Variants in CSMD1 observed in about 807,000 individuals in gnomAD.
CSMD1 encodes the protein CUB and Sushi multiple domains 1.
In CSMD1, 213 loss-of-function variants were observed where a neutral mutation model predicts 417.5. That is an observed-to-expected ratio of 0.51 (90% CI 0.46 to 0.57). The LOEUF (loss-of-function observed/expected upper bound fraction) is 0.57. CSMD1 is among the 20% of genes least tolerant of loss of function. CSMD1 has a pLI of 0.00. For missense variants in CSMD1, 6,923 were observed against 4,529.7 expected (o/e 1.53, Z -15.17); for synonymous variants, 2,862 against 1,736.8 (o/e 1.65, Z -16.11).
chr8:3,311,988 C>T (rs1563259644), intron 23 of CSMD1, among the ~76,000 whole-genome samples: 1 of 152,096 alleles, frequency 6.6e-6, no homozygotes, highest in South Asian at 2.1e-4. Context: ...TAACAAAGTT[C>T]TAAAATCCAA....
At chr8:3,466,790 T>G (rs148028015) in intron 12 of CSMD1, among the ~76,000 whole-genome samples, 15 of 152,286 alleles carry the variant, frequency 9.8e-5, no homozygotes, top group African/African-American at 3.1e-4. Context: ...TAAAATTATG[T>G]ATACGCATAA....
chr8:3,956,702 T>A (rs2129936526), intron 5 of CSMD1, among the ~76,000 whole-genome samples: 1 of 152,278 alleles, frequency 6.6e-6, no homozygotes, highest in Admixed American at 6.5e-5. Context: ...AACCTATATT[T>A]GAAACCCTAC....
chr8:3,131,053 C>T (rs2129026424), intron 41 of CSMD1, among the ~76,000 whole-genome samples: 1 of 152,298 alleles, frequency 6.6e-6, no homozygotes, highest in South Asian at 2.1e-4. Context: ...ACTACTTTGG[C>T]ATTCTGGGAA....
chr8:3,860,639 T>C (rs1747694520), intron 5 of CSMD1, among the ~76,000 whole-genome samples: 1 of 152,184 alleles, frequency 6.6e-6, no homozygotes, highest in South Asian at 2.1e-4. Context: ...GTCCATTAAT[T>C]TTCACCATAA....
intron 5 of CSMD1, among the ~76,000 whole-genome samples, 188 bp downstream of exon 5, chr8:3,997,715 A>G (rs1247746847): frequency 6.6e-6 from 1 of 152,178 alleles, no homozygotes; most frequent in Non-Finnish European, 1.5e-5. Context: ...CAGCACAAAG[A>G]CATCTTAGAA....
At chr8:4,228,779 G>T (rs1011200296) in intron 3 of CSMD1, among the ~76,000 whole-genome samples, 4 of 151,982 alleles carry the variant, frequency 2.6e-5, no homozygotes, top group Non-Finnish European at 4.4e-5. Context: ...TGCCTCCTGG[G>T]TTCAAAAGAT....
At chr8:4,554,804 T>C (rs1798017505) in intron 2 of CSMD1, among the ~76,000 whole-genome samples, 1 of 152,212 alleles carries the variant, frequency 6.6e-6, no homozygotes, top group Non-Finnish European at 1.5e-5. Flanking sequence ...TCCGTCCCTG[T>C]TGAGGCAGTC....
intron 3 of CSMD1, among the ~76,000 whole-genome samples, chr8:4,247,812 G>A (rs910628780): frequency 3.9e-5 from 6 of 152,116 alleles, no homozygotes; most frequent in African/African-American, 1.4e-4. Context: ...CAAAGCAAGT[G>A]CTTAAGTTCA....
chr8:4,352,563 A>G (rs1360263243), intron 3 of CSMD1, among the ~76,000 whole-genome samples: 2 of 152,200 alleles, frequency 1.3e-5, no homozygotes, highest in Non-Finnish European at 2.9e-5. Context: ...TCATCCTTTC[A>G]TTTTCCATGT....
Position 3,023,059 on chromosome 8 carries a change from T to G in CSMD1, c.7856-4409A>C, listed in dbSNP as rs17317488. ...CAACTGCAGGTAGTCCTGAGTGATG[T>G]CCAATGTCCACTCCAGCAATGGAAC... is the stretch of plus-strand genomic sequence containing the variant. On this transcript the variant is annotated intron_variant, in intron 51 of 69. Transcript: ENST00000635120. Among the ~76,000 whole-genome samples, 10 of 152,308 alleles carry G rather than the reference T, an allele frequency of 6.6e-5. No individual in the cohort carries two copies. In the South Asian group the frequency reaches 8.3e-4, roughly 13 times the overall value.
intron 23 of CSMD1, among the ~76,000 whole-genome samples, chr8:3,334,948 C>T (rs966160096): frequency 2.6e-5 from 4 of 152,216 alleles, no homozygotes; most frequent in East Asian, 1.9e-4. Flanking sequence ...CCTAGTCCAA[C>T]GAGCCTTCTC....
chr8:4,714,502 A>G (rs937509000), intron 1 of CSMD1, among the ~76,000 whole-genome samples: 19 of 152,176 alleles, frequency 1.2e-4, no homozygotes, highest in Non-Finnish European at 2.2e-4. Flanking sequence ...TTTCAGAAAT[A>G]CTTTAATAAT....
At chr8:3,117,050 G>C (rs906340512) in intron 42 of CSMD1, among the ~76,000 whole-genome samples, 1 of 152,072 alleles carries the variant, frequency 6.6e-6, no homozygotes, top group South Asian at 2.1e-4. Flanking sequence ...CTAAAGAATT[G>C]TTTGTAGTTA....
chr8:3,438,366 C>G (rs754937188), intron 12 of CSMD1, among the ~76,000 whole-genome samples: 5 of 152,144 alleles, frequency 3.3e-5, no homozygotes, highest in South Asian at 2.1e-4. Context: ...AGATACAGAA[C>G]ATGTCCAGCA....
In CSMD1 at chr8:4,443,572, T is replaced by G. The variant is rs781087226; in HGVS notation, c.303-23507A>C. 3.4e-4 allele frequency among the ~76,000 whole-genome samples: 51 copies of G among 152,058 alleles called. 1 individual carries two copies. The highest frequency in any genetic ancestry group is 1.5e-3 in the Admixed American group (23 of 15,278). ...TCAGCCACGTGTGGCTCAAGACACA[T>G]GAATAATATGCATTTGCTTAAAATA... On this transcript the variant is annotated intron_variant, in intron 2 of 69. Coordinates refer to ENST00000635120, the MANE Select transcript of CSMD1 (RefSeq NM_033225.6).
intron 23 of CSMD1, among the ~76,000 whole-genome samples, chr8:3,320,959 G>A (rs917005047): frequency 3.3e-5 from 5 of 152,270 alleles, no homozygotes; most frequent in South Asian, 2.1e-4. Context: ...AATGGAGTAC[G>A]TAACCAACAT....
chr8:3,008,555 T>G (rs567988299), intron 52 of CSMD1, among the ~76,000 whole-genome samples: 6 of 152,196 alleles, frequency 3.9e-5, no homozygotes, highest in Admixed American at 2.0e-4. Context: ...TTGTTTTGTT[T>G]GTTCGTTTCC....
chr8:3,676,736 T>C (rs1053455027), intron 7 of CSMD1, among the ~76,000 whole-genome samples: 2 of 152,102 alleles, frequency 1.3e-5, no homozygotes, highest in Non-Finnish European at 2.9e-5. Context: ...GAAATACGTA[T>C]ATAATAAACA....
chr8:3,680,889 C>T (rs548470806), intron 7 of CSMD1, among the ~76,000 whole-genome samples: 1 of 152,166 alleles, frequency 6.6e-6, no homozygotes, highest in Non-Finnish European at 1.5e-5. Flanking sequence ...TCAATATACG[C>T]AAATCAGTAA....
Sources: gnomAD v4.1 joint callset for allele counts (sites outside exome capture counted in the v4.1 genomes callset) on GRCh38, gnomAD v4.1.1 for gene constraint, MANE v1.5 for transcripts, NCBI Gene and HGNC (gene_info 2026-07-23, HGNC 2026-07-21) for gene names.